Variants in DYNC2H1 observed in about 807,000 individuals in gnomAD.
The protein encoded by DYNC2H1 is cytoplasmic dynein 2 heavy chain 1.
In DYNC2H1, 410 loss-of-function variants were observed where a neutral mutation model predicts 570.0. That is an observed-to-expected ratio of 0.72 (90% CI 0.66 to 0.78). The LOEUF is 0.78. DYNC2H1 is among the 30% of genes least tolerant of loss of function. The pLI is 0.00. For synonymous variants in DYNC2H1, 1,688 were observed against 1,677.6 expected (o/e 1.01, Z -0.15); for missense variants, 4,865 against 5,046.4 (o/e 0.96, Z 1.09).
chr11:103,383,303 A>C (rs1941731592), intron 83 of DYNC2H1, among the ~76,000 whole-genome samples: 1 of 151,766 alleles, frequency 6.6e-6, no homozygotes, highest in African/African-American at 2.4e-5. Flanking sequence ...GTAAAGAAGA[A>C]CTTCAGTTTG....
rs1938382511 is a variant in DYNC2H1, at chr11:103,324,736, G to A, written c.12039+746G>A. Among the ~76,000 whole-genome samples the A allele has an allele frequency of 6.6e-6, 1 of 152,274 alleles. No individual in the cohort carries two copies. The highest frequency in any genetic ancestry group is 2.4e-5 in the African/African-American group (1 of 41,566). On this transcript the variant is annotated intron_variant, in intron 82 of 88. Transcript: ENST00000375735. This position sits in a 1 kb window ranked among gnomAD's most constrained non-coding sequence, Gnocchi z 5.2. ...CCTTTGAGTATATACCCAATAATGGGATTTCTGGGTCAAATGGTAGTTCTG... is the reference window on the plus strand; with the variant it reads ...CCTTTGAGTATATACCCAATAATGGAATTTCTGGGTCAAATGGTAGTTCTG...
chr11:103,187,023 A>G (rs905357122), intron 42 of DYNC2H1, among the ~76,000 whole-genome samples: 8 of 151,992 alleles, frequency 5.3e-5, no homozygotes, highest in Non-Finnish European at 1.0e-4. Flanking sequence ...TTAAAATCTT[A>G]AAATCCTTCA....
chr11:103,400,041 C>G (rs1942572650), intron 84 of DYNC2H1, among the ~76,000 whole-genome samples, 169 bp downstream of exon 84: 1 of 152,220 alleles, frequency 6.6e-6, no homozygotes, highest in Non-Finnish European at 1.5e-5. Context: ...CCAATGGTAT[C>G]TAGCATTATG....
In DYNC2H1 at chr11:103,346,521, A is replaced by G. The variant is rs577550071; in HGVS notation, c.12040-11722A>G. ...TTGAGTTCTAAGACCGTTAGACAAA[A>G]GCAAGTTGACTGAAGGATATCACCA... On this transcript the variant is annotated intron_variant, in intron 82 of 88. Coordinates refer to ENST00000375735, the MANE Select transcript of DYNC2H1 (RefSeq NM_001377.3). 4.6e-5 allele frequency among the ~76,000 whole-genome samples: 7 copies of G among 152,308 alleles called. No homozygotes were observed. In the South Asian group the frequency reaches 1.2e-3, roughly 27 times the overall value.
At chr11:103,119,649 ATTTC>A (rs1426921072) in intron 6 of DYNC2H1, among the ~76,000 whole-genome samples, 1 of 152,018 alleles carries the variant, frequency 6.6e-6, no homozygotes, top group East Asian at 1.9e-4. Flanking sequence ...CAACTTCAGT[ATTTC>A]TTTGATAGCT....
At position 103,316,407 on chromosome 11, in the gene DYNC2H1, TGTTG is replaced by T. The variant is rs947289710; in HGVS notation, c.11650-134_11650-131del. On this transcript the variant is annotated intron_variant, in intron 79 of 88. Coordinates refer to ENST00000375735, the MANE Select transcript of DYNC2H1 (RefSeq NM_001377.3). ...TTACTGTTACTTTAGATTTATTATG[TGTTG>T]GTTTTATTAAAAATTCTCAGGAGTT... 1.3e-4 allele frequency: 73 copies of T among 552,512 alleles called. 2 individuals are homozygous for T. The highest frequency in any genetic ancestry group is 1.8e-5 in the Non-Finnish European group (6 of 324,552). 34.2% of individuals were successfully genotyped at this position (552,512 alleles called of 1,614,324 possible).
intron 88 of DYNC2H1, among the ~76,000 whole-genome samples, chr11:103,476,767 CAGAG>C (rs199637970): frequency 0.015 from 2,263 of 151,994 alleles, 55 homozygotes; most frequent in African/African-American, 0.052. Flanking sequence ...GGGAGAGAGA[CAGAG>C]AGAGGAGCAG....
intron 75 of DYNC2H1, among the ~76,000 whole-genome samples, chr11:103,294,045 C>T (rs1182902091): frequency 1.3e-5 from 2 of 152,206 alleles, no homozygotes; most frequent in African/African-American, 4.8e-5. Context: ...CACCACTGCA[C>T]TCCAGCCTGG....
intron 58 of DYNC2H1, among the ~76,000 whole-genome samples, chr11:103,222,498 A>G (rs984826227): frequency 2.0e-5 from 3 of 152,098 alleles, no homozygotes; most frequent in Non-Finnish European, 4.4e-5. Flanking sequence ...AGTGGTATCT[A>G]ATTTCAGTGA....
At chr11:103,166,740 A>T (rs905028488) in intron 31 of DYNC2H1, among the ~76,000 whole-genome samples, 2 of 151,978 alleles carry the variant, frequency 1.3e-5, no homozygotes, top group Admixed American at 6.6e-5. Flanking sequence ...TTCTGGCAGC[A>T]TTCAAGATTT....
rs1416281984 is a variant in DYNC2H1 at position 103,185,637 on chromosome 11, T to G, written c.6633+586T>G. Among the ~76,000 whole-genome samples, 1 of 151,884 alleles carries G rather than the reference T, an allele frequency of 6.6e-6. No homozygotes were observed. Among genetic ancestry groups the G allele is most frequent in the Non-Finnish European group, 1.5e-5 (1 of 67,886 alleles). ...TTGCTGCTTCTTTGATAGTGTCATTTACTGCTTTCTCTATTCCGTCTCCCT... is the reference window on the plus strand; with the variant it reads ...TTGCTGCTTCTTTGATAGTGTCATTGACTGCTTTCTCTATTCCGTCTCCCT... On this transcript the variant is annotated intron_variant, in intron 41 of 88. Coordinates refer to ENST00000375735, the MANE Select transcript of DYNC2H1 (RefSeq NM_001377.3). This position sits in a 1 kb window ranked among gnomAD's most constrained non-coding sequence, Gnocchi z 4.5.
chr11:103,310,932 C>T (rs1208182608), intron 78 of DYNC2H1, among the ~76,000 whole-genome samples: 1 of 151,518 alleles, frequency 6.6e-6, no homozygotes, highest in African/African-American at 2.4e-5. Context: ...GAACTCCTGA[C>T]CTCAAGTGAT....
chr11:103,390,556 A>G (rs1942099483), intron 83 of DYNC2H1, among the ~76,000 whole-genome samples: 1 of 152,172 alleles, frequency 6.6e-6, no homozygotes, highest in South Asian at 2.1e-4. Context: ...TTAGCTGGTT[A>G]TTTTGCTCGT....
At position 103,363,342 on chromosome 11, in the gene DYNC2H1, A is replaced by G. The variant is rs532181044; in HGVS notation, c.12156+4983A>G. 2.0e-5 allele frequency among the ~76,000 whole-genome samples: 3 copies of G among 152,258 alleles called. No individual in the cohort carries two copies. The South Asian group carries it at 6.2e-4, about 32-fold the overall frequency. On this transcript the variant is annotated intron_variant, in intron 83 of 88. Coordinates refer to ENST00000375735, the MANE Select transcript of DYNC2H1 (RefSeq NM_001377.3). The surrounding 1 kb of genome is among the most constrained non-coding windows in gnomAD (Gnocchi z 5.6). ...TCAGTTTATTTTAGATATGTTTATAAGTGAGCTGGAGAGGAGATCTACTAG... is the reference window on the plus strand; with the variant it reads ...TCAGTTTATTTTAGATATGTTTATAGGTGAGCTGGAGAGGAGATCTACTAG...
intron 84 of DYNC2H1, among the ~76,000 whole-genome samples, chr11:103,421,877 C>G (rs998659363): frequency 2.0e-5 from 3 of 146,832 alleles, no homozygotes; most frequent in Admixed American, 1.4e-4. Flanking sequence ...CTTTAAAAAG[C>G]CTTTAGAAAA....
intron 84 of DYNC2H1, among the ~76,000 whole-genome samples, chr11:103,410,518 G>A (rs1565574685): frequency 6.6e-6 from 1 of 152,088 alleles, no homozygotes; most frequent in Non-Finnish European, 1.5e-5. Flanking sequence ...CTCCCCTAGA[G>A]GGATATAAAG....
In DYNC2H1 at chr11:103,326,535, T is replaced by C. The variant is rs1020662246; in HGVS notation, c.12039+2545T>C. 4.6e-5 allele frequency among the ~76,000 whole-genome samples: 7 copies of C among 152,180 alleles called. No homozygotes were observed. The highest frequency in any genetic ancestry group is 1.7e-4 in the African/African-American group (7 of 41,448). ...GTGTTGGCCGCAGATCTGGGCTCGG[T>C]ACTCCTGAGCTGCAGACCGCATTCC... On this transcript the variant is annotated intron_variant, in intron 82 of 88. Transcript: ENST00000375735. The surrounding 1 kb of genome is among the most constrained non-coding windows in gnomAD (Gnocchi z 6.1).
chr11:103,371,107 G>T (rs1941127321), intron 83 of DYNC2H1, among the ~76,000 whole-genome samples: 1 of 152,046 alleles, frequency 6.6e-6, no homozygotes, highest in Non-Finnish European at 1.5e-5. Flanking sequence ...TTAACAAAGA[G>T]ATTGAAATAA....
intron 83 of DYNC2H1, among the ~76,000 whole-genome samples, chr11:103,365,607 T>C: frequency 6.6e-6 from 1 of 152,122 alleles, no homozygotes; most frequent in East Asian, 1.9e-4. Context: ...ATCTGGGCTG[T>C]TTCTAACCTT....
Sources: allele counts gnomAD v4.1 joint callset (sites outside exome capture counted in the v4.1 genomes callset), GRCh38; gene constraint gnomAD v4.1.1; non-coding constraint Gnocchi (gnomAD v3.1); transcripts MANE v1.5; gene names NCBI Gene and HGNC (gene_info 2026-07-23, HGNC 2026-07-21).